The following PTK2 variants were observed in gnomAD, a reference collection of about 807,000 sequenced individuals.
PTK2 encodes protein tyrosine kinase 2, also known as focal adhesion kinase 1.
A neutral mutation model predicts 150.1 loss-of-function variants in PTK2; 45 were observed. That is an observed-to-expected ratio of 0.30 (90% confidence interval 0.24 to 0.38). PTK2 has a LOEUF of 0.38. Among genes scored for constraint, PTK2 ranks in the 10% least tolerant of loss-of-function variants. The pLI, the probability that PTK2 is intolerant of heterozygous loss-of-function variation, is 1.00. For missense variants in PTK2, 919 were observed against 1,307.3 expected (o/e 0.70, Z 4.58); for synonymous variants, 432 against 449.2 (o/e 0.96, Z 0.48).
At chr8:140,805,481 C>T (rs2100097655) in intron 10 of PTK2, among the ~76,000 whole-genome samples, 1 of 151,546 alleles carries the variant, frequency 6.6e-6, no homozygotes, top group Admixed American at 6.6e-5. Flanking sequence ...ATCACTTGAA[C>T]CAGGGAGTCA....
chr8:140,966,359 A>G (rs544283197), intron 1 of PTK2, among the ~76,000 whole-genome samples: 41 of 152,302 alleles, frequency 2.7e-4, no homozygotes, highest in African/African-American at 9.9e-4. Flanking sequence ...GTTTTATTCT[A>G]TGTAGTTAAA....
At chr8:140,688,530 C>T (rs911005205) in intron 26 of PTK2, among the ~76,000 whole-genome samples, 1 of 151,754 alleles carries the variant, frequency 6.6e-6, no homozygotes, top group African/African-American at 2.4e-5. Flanking sequence ...GCCTGGGCAA[C>T]ATAGTGAGAA....
chr8:140,932,461 C>T (rs1162958877), intron 1 of PTK2, among the ~76,000 whole-genome samples: 3 of 152,088 alleles, frequency 2.0e-5, no homozygotes, highest in Admixed American at 6.6e-5. Context: ...AGTGATCCAC[C>T]CGCATCAGCC....
intron 14 of PTK2, among the ~76,000 whole-genome samples, chr8:140,782,356 T>TTG (rs1185448721): frequency 6.7e-6 from 1 of 150,182 alleles, no homozygotes; most frequent in Non-Finnish European, 1.5e-5. Context: ...GAGATCCTCC[T>TTG]ACCTCAGCCT....
At chr8:140,997,144 A>C (rs897945562) in intron 1 of PTK2, among the ~76,000 whole-genome samples, 3 of 152,242 alleles carry the variant, frequency 2.0e-5, no homozygotes, top group Admixed American at 2.0e-4. Context: ...ATATGGTAGA[A>C]ATAGCAAGAG....
chr8:140,833,125 A>G (rs938904515), intron 7 of PTK2: 3 of 507,770 alleles, frequency 5.9e-6, no homozygotes, highest in African/African-American at 5.8e-5. Flanking sequence ...TTTGAAAATA[A>G]AGACGAATAC....
chr8:140,755,466 C>T (rs1309651555), intron 16 of PTK2, among the ~76,000 whole-genome samples: 1 of 152,172 alleles, frequency 6.6e-6, no homozygotes, highest in Non-Finnish European at 1.5e-5. Flanking sequence ...CTGTCCTGCC[C>T]CGCCTCATGG....
At chr8:140,740,154 T>C (rs562100490) in intron 20 of PTK2, among the ~76,000 whole-genome samples, 2 of 152,164 alleles carry the variant, frequency 1.3e-5, no homozygotes, top group African/African-American at 4.8e-5. Flanking sequence ...TTTCCTCAAC[T>C]GCTGAGTTCT....
rs1015938658 is a variant in PTK2 at position 140,943,516 on chromosome 8, G to A, written c.-121-17767C>T. ...TATTTGAGCTGTCTCCAGTGATTACGAATAAAGCTGCTATAAATGTTCACA... is the reference window on the plus strand; with the variant it reads ...TATTTGAGCTGTCTCCAGTGATTACAAATAAAGCTGCTATAAATGTTCACA... On this transcript the variant is annotated intron_variant, in intron 1 of 31. Coordinates refer to ENST00000522684, the Ensembl canonical transcript of PTK2. Among the ~76,000 whole-genome samples the A allele has an allele frequency of 4.6e-5, 7 of 151,954 alleles. No individual in the cohort carries two copies. In the South Asian group the frequency reaches 6.2e-4, roughly 13 times the overall value.
At chr8:140,805,827 A>T (rs1289847841) in intron 10 of PTK2, among the ~76,000 whole-genome samples, 1 of 152,188 alleles carries the variant, frequency 6.6e-6, no homozygotes, top group Non-Finnish European at 1.5e-5. Flanking sequence ...TCCCTACCTG[A>T]AAGCCAGATC....
At chr8:140,989,594 G>C (rs537461269) in intron 1 of PTK2, among the ~76,000 whole-genome samples, 4 of 151,282 alleles carry the variant, frequency 2.6e-5, no homozygotes, top group African/African-American at 9.7e-5. Context: ...AAATGCAAAC[G>C]GCCAGCAAAT....
intron 5 of PTK2, among the ~76,000 whole-genome samples, chr8:140,858,426 G>GAAAA (rs923460874): frequency 8.2e-6 from 1 of 121,582 alleles, no homozygotes. Context: ...AGCAAGGGCA[G>GAAAA]AAAAAAAAAA....
chr8:140,791,575 G>A (rs1456532950), intron 13 of PTK2, among the ~76,000 whole-genome samples: 1 of 152,160 alleles, frequency 6.6e-6, no homozygotes, highest in African/African-American at 2.4e-5. Flanking sequence ...TGGCTGGGGA[G>A]GGTAGACAAG....
intron 1 of PTK2, among the ~76,000 whole-genome samples, chr8:140,928,394 T>C (rs777485122): frequency 5.9e-5 from 9 of 152,156 alleles, no homozygotes; most frequent in Non-Finnish European, 1.3e-4. Context: ...GAAAACAACA[T>C]GGGTGGTCCT....
intron 5 of PTK2, among the ~76,000 whole-genome samples, chr8:140,858,478 T>C (rs1228297260): frequency 2.0e-5 from 3 of 150,724 alleles, no homozygotes; most frequent in Non-Finnish European, 4.4e-5. Flanking sequence ...GACTCGTTTG[T>C]AATGAAGCTG....
intron 2 of PTK2, chr8:140,920,859 T>C (rs1223488454): frequency 1.3e-6 from 2 of 1,528,824 alleles, no homozygotes; most frequent in South Asian, 1.2e-5. Context: ...CTTTTCTCCA[T>C]ATAGATGGCA....
At chr8:140,699,083 A>AT (rs370889843) in intron 26 of PTK2, among the ~76,000 whole-genome samples, 73 of 150,882 alleles carry the variant, frequency 4.8e-4, no homozygotes, top group Middle Eastern at 3.4e-3. Flanking sequence ...AAAAATAACA[A>AT]TTTTTTTTTC....
intron 29 of PTK2, chr8:140,669,334 TATATATAC>T (rs1211447693): frequency 9.1e-6 from 1 of 109,296 alleles, no homozygotes; most frequent in Non-Finnish European, 2.0e-5. Flanking sequence ...TATATATATA[TATATATAC>T]ACTTTTTAAA....
intron 22 of PTK2, 47 bp downstream of exon 25, chr8:140,735,204 G>T: frequency 6.5e-7 from 1 of 1,543,180 alleles, no homozygotes; most frequent in Non-Finnish European, 8.9e-7. Flanking sequence ...AGGAGAAGCA[G>T]CATAATCTGC....
Sources: allele counts gnomAD v4.1 joint callset (sites outside exome capture counted in the v4.1 genomes callset), GRCh38; gene constraint gnomAD v4.1.1; transcripts MANE v1.5; gene names NCBI Gene and HGNC (gene_info 2026-07-23, HGNC 2026-07-21).